The following DAB1 variants were observed in gnomAD, a reference collection of about 807,000 sequenced individuals.
DAB1 encodes disabled homolog 1.
A neutral mutation model predicts 64.6 loss-of-function variants in DAB1; 15 were observed. The observed-to-expected ratio is 0.23, with a 90% CI of 0.16 to 0.36. DAB1 has a LOEUF of 0.36. DAB1 is among the 10% of genes least tolerant of loss of function. The pLI, the probability that DAB1 is intolerant of heterozygous loss-of-function variation, is 1.00. For missense variants in DAB1, 596 were observed against 706.7 expected, an observed-to-expected ratio of 0.84 and a Z score of 1.78; for synonymous variants, 235 against 251.9, an observed-to-expected ratio of 0.93 and a Z score of 0.64.
chr1:57,704,877 T>C (rs900032363), intron 6 of DAB1, among the ~76,000 whole-genome samples: 3 of 146,694 alleles, frequency 2.0e-5, no homozygotes, highest in African/African-American at 5.0e-5. Flanking sequence ...GGGAAATTTC[T>C]TTTCCTTCCT....
At chr1:57,319,891 G>T (rs1212819146) in intron 1 of DAB1, among the ~76,000 whole-genome samples, 4 of 152,150 alleles carry the variant, frequency 2.6e-5, no homozygotes, top group Admixed American at 2.6e-4. Flanking sequence ...TGTTTTCCAT[G>T]AAGTTCTATG....
At position 58,127,438 on chromosome 1, in the gene DAB1, T is replaced by C. The variant is rs1653188602; in HGVS notation, n.387+23073A>G. On this transcript the variant is annotated intron_variant and non_coding_transcript_variant, in intron 5 of 20. Coordinates refer to the DAB1 transcript ENST00000485760. ...TGTTCACTCTGATGGTAGTTTCTTT[T>C]GCTGTGCAGAAGCTCTTTAGTTTAA... Among the ~76,000 whole-genome samples, 4 of 150,806 alleles carry C rather than the reference T, an allele frequency of 2.7e-5. 1 individual carries two copies. The highest frequency in any genetic ancestry group is 2.6e-4 in the Admixed American group (4 of 15,182).
intron 6 of DAB1, among the ~76,000 whole-genome samples, chr1:57,692,881 G>A (rs1345535920): frequency 6.6e-6 from 1 of 152,070 alleles, no homozygotes; most frequent in Non-Finnish European, 1.5e-5. Context: ...GCATTTACAG[G>A]AAAAGGCTTC....
intron 4 of DAB1, among the ~76,000 whole-genome samples, chr1:58,269,099 G>A (rs1251853716): frequency 6.7e-6 from 1 of 149,988 alleles, no homozygotes; most frequent in African/African-American, 2.4e-5. Flanking sequence ...GTGCCATGCT[G>A]GTGCGCTGCA....
chr1:58,218,490 T>C (rs1231292233), intron 4 of DAB1, among the ~76,000 whole-genome samples: 3 of 152,090 alleles, frequency 2.0e-5, no homozygotes, highest in African/African-American at 4.8e-5. Context: ...GTAAAAGTTG[T>C]GGGTGTTTGG....
At chr1:58,071,173 A>G (rs1258714287) in intron 5 of DAB1, among the ~76,000 whole-genome samples, 1 of 152,144 alleles carries the variant, frequency 6.6e-6, no homozygotes, top group Non-Finnish European at 1.5e-5. Flanking sequence ...GAAAATCTAC[A>G]TTTGCTTTTA....
chr1:58,361,368 AAGGACC>A (rs1557739784), intron 3 of DAB1, among the ~76,000 whole-genome samples: 4 of 152,198 alleles, frequency 2.6e-5, no homozygotes, highest in African/African-American at 9.7e-5. Context: ...TTGGACCACT[AAGGACC>A]GGCTTTCATT....
intron 1 of DAB1, among the ~76,000 whole-genome samples, chr1:57,304,071 G>A (rs1673922499): frequency 1.3e-5 from 2 of 152,126 alleles, no homozygotes; most frequent in Non-Finnish European, 2.9e-5. Context: ...AAATACCTGA[G>A]GCTCGGTAAT....
At chr1:57,415,919 T>C (rs978860076) in intron 1 of DAB1, among the ~76,000 whole-genome samples, 1 of 152,186 alleles carries the variant, frequency 6.6e-6, no homozygotes, top group Non-Finnish European at 1.5e-5. Flanking sequence ...TGCTGGGATT[T>C]AACTGCTACT....
At chr1:58,101,174 G>A (rs542965790) in intron 5 of DAB1, among the ~76,000 whole-genome samples, 19 of 152,168 alleles carry the variant, frequency 1.2e-4, no homozygotes, top group Admixed American at 5.9e-4. Flanking sequence ...AAAATTAGCC[G>A]GGCATGGTGG....
chr1:57,104,822 G>A (rs957860853), intron 4 of DAB1, among the ~76,000 whole-genome samples: 1 of 152,058 alleles, frequency 6.6e-6, no homozygotes, highest in African/African-American at 2.4e-5. Flanking sequence ...GGGCAGTCTG[G>A]GACAGTCATA....
At chr1:57,816,931 T>C (rs1290971308) in intron 6 of DAB1, among the ~76,000 whole-genome samples, 1 of 152,232 alleles carries the variant, frequency 6.6e-6, no homozygotes, top group Non-Finnish European at 1.5e-5. Context: ...CCTTGTGCAA[T>C]GGCATGTCCC....
chr1:57,737,078 C>T (rs954799810), intron 6 of DAB1, among the ~76,000 whole-genome samples: 3 of 152,166 alleles, frequency 2.0e-5, no homozygotes, highest in Non-Finnish European at 2.9e-5. Flanking sequence ...CTGTAGCTAC[C>T]GGAGAGGGCT....
intron 5 of DAB1, among the ~76,000 whole-genome samples, chr1:57,952,248 G>C (rs1238574036): frequency 1.3e-5 from 2 of 152,106 alleles, no homozygotes; most frequent in Admixed American, 1.3e-4. Context: ...CCCCTCTCTT[G>C]AGGATTGGCA....
intron 3 of DAB1, among the ~76,000 whole-genome samples, chr1:58,495,130 A>G (rs1054945249): frequency 1.3e-5 from 2 of 152,130 alleles, no homozygotes; most frequent in Non-Finnish European, 2.9e-5. Context: ...GGACATGGAT[A>G]AAGCTGGAAA....
At chr1:58,067,252 C>T (rs559019533) in intron 5 of DAB1, among the ~76,000 whole-genome samples, 18 of 152,278 alleles carry the variant, frequency 1.2e-4, no homozygotes, top group Non-Finnish European at 1.8e-4. Flanking sequence ...GTAACTATGA[C>T]GAGGAGAGGG....
chr1:58,028,388 G>T (rs1361380069), intron 5 of DAB1, among the ~76,000 whole-genome samples: 1 of 152,192 alleles, frequency 6.6e-6, no homozygotes, highest in East Asian at 1.9e-4. Context: ...ATGCCTGAAT[G>T]AAGCTTATCT....
intron 7 of DAB1, among the ~76,000 whole-genome samples, chr1:57,588,966 T>C (rs1645411429): frequency 6.6e-6 from 1 of 151,850 alleles, no homozygotes; most frequent in Non-Finnish European, 1.5e-5. Flanking sequence ...CTGGGCGCGG[T>C]GGCTCACGCC....
chr1:58,441,146 C>T, intron 3 of DAB1, among the ~76,000 whole-genome samples: 1 of 152,200 alleles, frequency 6.6e-6, no homozygotes, highest in East Asian at 1.9e-4. Context: ...CCAAGCACAG[C>T]CCTGCAACAA....
Sources: gnomAD v4.1 joint callset for allele counts (sites outside exome capture counted in the v4.1 genomes callset) on GRCh38, gnomAD v4.1.1 for gene constraint, MANE v1.5 for transcripts, NCBI Gene and HGNC (gene_info 2026-07-23, HGNC 2026-07-21) for gene names.